GOLGA8H: variants seen among roughly 807,000 people sequenced by gnomAD.
GOLGA8H encodes golgin A8 family member H, also known as golgin subfamily A member 8H.
A neutral mutation model predicts 82.7 loss-of-function variants in GOLGA8H; 47 were observed. The ratio of observed to expected loss-of-function variants is 0.57; its 90% confidence interval spans 0.45 to 0.73. The LOEUF (loss-of-function observed/expected upper bound fraction) is 0.73. Ranked by LOEUF, GOLGA8H falls within the 30% of genes least tolerant of loss-of-function variation. GOLGA8H has a pLI of 0.00. For synonymous variants in GOLGA8H, 108 were observed against 241.6 expected, an observed-to-expected ratio of 0.45 and a Z score of 5.13; for missense variants, 372 against 661.0, an observed-to-expected ratio of 0.56 and a Z score of 4.79.
At chr15:30,608,142 GT>G (rs2059952647) in intron 5 of GOLGA8H, 74 bp downstream of exon 5, 2 of 1,317,840 alleles carry the variant, frequency 1.5e-6, no homozygotes, top group Admixed American at 3.7e-5. Flanking sequence ...CCCCAGTCTC[GT>G]CTCACCCACT....
rs1447848753 is a variant in GOLGA8H, at chr15:30,615,012, C to CTCT, written c.*454_*456dup. Among the ~76,000 whole-genome samples the CTCT allele has an allele frequency of 6.6e-6, 1 of 151,648 alleles. No homozygotes were observed. The highest frequency in any genetic ancestry group is 1.5e-5 in the Non-Finnish European group (1 of 67,912). ...TTGATCTAATCTTAATCACAGTGAGCTCTTCATTAGCTCAATATGTAGTTT... is the reference window on the plus strand; with the variant it reads ...TTGATCTAATCTTAATCACAGTGAGCTCTTCTTCATTAGCTCAATATGTAGTTT... On this transcript the variant is annotated 3_prime_UTR_variant, in exon 19 of 19. Coordinates refer to ENST00000566740, the MANE Select transcript of GOLGA8H (RefSeq NM_001282490.2).
chr15:30,606,269 G>C (rs1319006065), intron 2 of GOLGA8H, among the ~76,000 whole-genome samples: 65 of 151,472 alleles, frequency 4.3e-4, no homozygotes, highest in Non-Finnish European at 4.3e-4. Flanking sequence ...GCAAGAGAAT[G>C]GTGTGAACCT....
In GOLGA8H at chr15:30,617,201, CAT is replaced by C. The variant is rs1237958711; in HGVS notation, c.*2642_*2643del. ...TTGGAATGTTAGAGTTCATCAGAAA[CAT>C]AGAATTTTAAACTGTGAGTTCCACT... is the stretch of plus-strand genomic sequence containing the variant. On this transcript the variant is annotated 3_prime_UTR_variant, in exon 19 of 19. Transcript: ENST00000566740. 6.6e-6 allele frequency: 1 copy of C among 150,418 alleles called. No homozygotes were observed. The highest frequency in any genetic ancestry group is 2.5e-5 in the African/African-American group (1 of 40,652). 9.3% of individuals were successfully genotyped at this position (150,418 alleles called of 1,614,324 possible).
At chr15:30,606,511 A>G (rs1375201006) in intron 2 of GOLGA8H, among the ~76,000 whole-genome samples, 5 of 151,496 alleles carry the variant, frequency 3.3e-5, no homozygotes, top group Non-Finnish European at 5.9e-5. Flanking sequence ...TGAAATTTTC[A>G]TGAGATTTGT....
At position 30,605,951 on chromosome 15, in the gene GOLGA8H, C is replaced by T. The variant is rs1171969599; in HGVS notation, c.157C>T (p.Pro53Ser). The change falls in exon 2 of 19, where the codon CCA (proline) becomes TCA (serine). Residue 53 changes from proline (P) to serine (S), a missense_variant. Physicochemically the swap from Pro to Ser is moderately conservative, Grantham distance 74. Coordinates refer to ENST00000566740, the MANE Select transcript of GOLGA8H (RefSeq NM_001282490.2). ...PEKATSGGCQ[P>S]PGDSATGFHR... ...GAAAGCCACTTCTGGTGGTTGCCAG[C>T]CACCTGGGGATGTGAGTCTTGGCTG... The T allele has an allele frequency of 1.9e-6, 3 of 1,596,348 alleles. No individual in the cohort carries two copies. Among genetic ancestry groups the T allele is most frequent in the African/African-American group, 2.7e-5 (2 of 74,370 alleles).
At position 30,607,614 on chromosome 15, in the gene GOLGA8H, C is replaced by T. The variant is rs1251384016; in HGVS notation, c.310-416C>T. Reference sequence around the variant, plus strand: ...TCTGAGATTTAAAGGCCCCCTAGAACGGAAACCTCAGGGCTAAGGGCTCCT... The same window carrying T: ...TCTGAGATTTAAAGGCCCCCTAGAATGGAAACCTCAGGGCTAAGGGCTCCT... On this transcript the variant is annotated intron_variant, in intron 4 of 18. Transcript: ENST00000566740. 152 of 374,804 alleles carry T rather than the reference C, an allele frequency of 4.1e-4. 1 individual carries two copies. The highest frequency in any genetic ancestry group is 2.0e-3 in the South Asian group (70 of 35,698). The allele number at this position is 374,804 out of a possible 1,614,324, so 23.2% of individuals were successfully genotyped here.
intron 13 of GOLGA8H, 40 bp from the exon 14 acceptor site, chr15:30,612,557 G>A (rs1020571812): frequency 1.3e-6 from 2 of 1,587,194 alleles, no homozygotes; most frequent in Non-Finnish European, 1.7e-6. Flanking sequence ...GGGACGACCT[G>A]GCAAACTCCA....
At chr15:30,608,943 T>G (rs79420774) in intron 8 of GOLGA8H, among the ~76,000 whole-genome samples, 187 bp downstream of exon 8, 6,028 of 99,620 alleles carry the variant, frequency 0.061, 177 homozygotes, top group Non-Finnish European at 0.072. Context: ...GAGTTGGGGG[T>G]CACTGTGTGG....
At position 30,615,403 on chromosome 15, in the gene GOLGA8H, T is replaced by G. The variant is rs1286307731; in HGVS notation, c.*842T>G. On this transcript the variant is annotated 3_prime_UTR_variant, in exon 19 of 19. Transcript: ENST00000566740. ...GGGCTTATTTCTGAGGAATGAAAGG[T>G]TCCCATCATTGACTGTGGATGTGGA... Among the ~76,000 whole-genome samples the G allele has an allele frequency of 1.3e-5, 2 of 151,990 alleles. No individual in the cohort carries two copies. The highest frequency in any genetic ancestry group is 4.8e-5 in the African/African-American group (2 of 41,368).
At chr15:30,607,762 C>T (rs1489365438) in intron 4 of GOLGA8H, 1 of 601,266 alleles carries the variant, frequency 1.7e-6, no homozygotes, top group East Asian at 2.9e-5. Flanking sequence ...AGGGGCCTTT[C>T]TGAAACTCCA....
intron 7 of GOLGA8H, 39 bp downstream of exon 7, chr15:30,608,590 C>G (rs2059963486): frequency 1.9e-6 from 3 of 1,605,496 alleles, no homozygotes; most frequent in Admixed American, 1.7e-5. Flanking sequence ...CAACCTGGCA[C>G]TTTGACAGGT....
In GOLGA8H at chr15:30,612,548, G is replaced by A. The variant is rs1399754575; in HGVS notation, c.1201-49G>A. The A allele has an allele frequency of 8.2e-6, 13 of 1,578,858 alleles. No homozygotes were observed. In the African/African-American group the frequency reaches 1.8e-4, roughly 22 times the overall value. On this transcript the variant is annotated intron_variant, in intron 13 of 18. Coordinates refer to ENST00000566740, the MANE Select transcript of GOLGA8H (RefSeq NM_001282490.2). ...GCTGCTGAGGATGGGGCTGTGAGGG[G>A]GACGACCTGGCAAACTCCACCCCTT... is the stretch of plus-strand genomic sequence containing the variant.
rs530012954 is a variant in GOLGA8H at position 30,609,635 on chromosome 15, T to C, written c.592-171T>C. Among the ~76,000 whole-genome samples the C allele has an allele frequency of 1.5e-3, 235 of 151,890 alleles. 1 individual carries two copies. Among genetic ancestry groups the C allele is most frequent in the Non-Finnish European group, 2.9e-3 (199 of 67,990 alleles). ...CAGCTATAAATTCAATCTCATTCCC[T>C]GTCCGTTCCAACTTTACTGTGTTCT... On this transcript the variant is annotated intron_variant, in intron 8 of 18. Transcript: ENST00000566740.
Position 30,614,263 on chromosome 15 carries a change from C to T in GOLGA8H, c.1685C>T (p.Pro562Leu). 2 of 1,533,372 alleles carry T rather than the reference C, an allele frequency of 1.3e-6. No homozygotes were observed. The highest frequency in any genetic ancestry group is 1.2e-5 in the South Asian group (1 of 84,806). The allele number at this position is 1,533,372 out of a possible 1,614,324, so 95.0% of individuals were successfully genotyped here. The stretch of plus-strand genomic sequence containing the variant: ...GCTGATGAGCCCGGTCCAGGAGCCC[C>T]AGCCCCCCAGGAGCTTGGGGCTGCA... ...NSADEPGPGAPAPQELGAADK... is the reference protein window; with the variant it reads ...NSADEPGPGALAPQELGAADK... Residue 562 changes from proline to leucine, a missense_variant, in exon 18 of 19, where the codon CCA (proline) becomes CTA (leucine). By Grantham distance (98) the Pro-to-Leu change is moderately conservative. Transcript: ENST00000566740.
In GOLGA8H at chr15:30,608,448, C is replaced by T. The variant is rs532828710; in HGVS notation, c.397-19C>T. 892 of 1,608,126 alleles carry T rather than the reference C, an allele frequency of 5.5e-4. 32 individuals carry two copies. In the African/African-American group the frequency reaches 0.01, roughly 19 times the overall value. On this transcript the variant is annotated intron_variant, in intron 6 of 18. Transcript: ENST00000566740. ...TTCTTTCCTTCTCTTTCAGCACTTG[C>T]TTGGCTTTTCTCCCAAAGGTTCAAA...
In GOLGA8H at chr15:30,615,371, C is replaced by T. The variant is rs1235377684; in HGVS notation, c.*810C>T. 2.6e-5 allele frequency among the ~76,000 whole-genome samples: 4 copies of T among 151,852 alleles called. No individual in the cohort carries two copies. The highest frequency in any genetic ancestry group is 7.3e-5 in the African/African-American group (3 of 41,330). On this transcript the variant is annotated 3_prime_UTR_variant, in exon 19 of 19. Coordinates refer to ENST00000566740, the MANE Select transcript of GOLGA8H (RefSeq NM_001282490.2). ...AGCAGTTGCACTCTTTTTCGATGAC[C>T]TAAAAAGGGCTTATTTCTGAGGAAT...
intron 11 of GOLGA8H, among the ~76,000 whole-genome samples, 156 bp from the exon 12 acceptor site, chr15:30,610,610 C>A (rs1313204981): frequency 6.7e-6 from 1 of 150,284 alleles, no homozygotes. Context: ...AGTGCTCTTT[C>A]TCTGAATGTG....
rs2059989257 is a variant in GOLGA8H at position 30,609,867 on chromosome 15, C to G, written c.653C>G (p.Ala218Gly). ...TTAGAGCAGTCCATGCGGGAGGAGGCACTACTGAAAGTGCAGCTGACACAG... is the reference window on the plus strand; with the variant it reads ...TTAGAGCAGTCCATGCGGGAGGAGGGACTACTGAAAGTGCAGCTGACACAG... Reference protein sequence around the residue: ...WKLEQSMREEALLKVQLTQLK... With the variant: ...WKLEQSMREEGLLKVQLTQLK... The change falls in exon 9 of 19, where the codon GCA (alanine) becomes GGA (glycine). Residue 218 changes from alanine to glycine, a missense_variant. Physicochemically the swap from Ala to Gly is moderately conservative, Grantham distance 60 (BLOSUM62 0). Transcript: ENST00000566740. 1 of 1,600,506 alleles carries G rather than the reference C, an allele frequency of 6.2e-7. No individual in the cohort carries two copies. The highest frequency in any genetic ancestry group is 1.1e-5 in the South Asian group (1 of 90,736).
Position 30,610,024 on chromosome 15 carries a change from A to C in GOLGA8H, c.704A>C (p.Gln235Pro). The C allele has an allele frequency of 6.2e-7, 1 of 1,611,666 alleles. No homozygotes were observed. Among genetic ancestry groups the C allele is most frequent in the Non-Finnish European group, 8.5e-7 (1 of 1,179,730 alleles). ...TQLKESFQQVQLERDECAEHL... is the reference protein window; with the variant it reads ...TQLKESFQQVPLERDECAEHL... Reference sequence around the variant, plus strand: ...TTGAAGGAGTCATTTCAACAAGTCCAATTAGAAAGAGATGAGTGTGCTGAA... The same window carrying C: ...TTGAAGGAGTCATTTCAACAAGTCCCATTAGAAAGAGATGAGTGTGCTGAA... Residue 235 changes from glutamine to proline, a missense_variant, in exon 10 of 19, where the codon CAA becomes CCA. Coordinates refer to ENST00000566740, the MANE Select transcript of GOLGA8H (RefSeq NM_001282490.2).
Sources: gnomAD v4.1 joint callset for allele counts (sites outside exome capture counted in the v4.1 genomes callset) on GRCh38, gnomAD v4.1.1 for gene constraint, MANE v1.5 for transcripts, NCBI Gene and HGNC (gene_info 2026-07-23, HGNC 2026-07-21) for gene names.